The following SERGEF variants were observed in gnomAD, a reference collection of about 807,000 sequenced individuals.
SERGEF encodes the protein secretion-regulating guanine nucleotide exchange factor.
A neutral mutation model predicts 50.0 loss-of-function variants in SERGEF; 51 were observed. The observed-to-expected ratio is 1.02, with a 90% CI of 0.81 to 1.29. SERGEF has a LOEUF of 1.29. Ranked by LOEUF, SERGEF falls within the 50% of genes most tolerant of loss-of-function variation. The pLI, the probability that SERGEF is intolerant of heterozygous loss-of-function variation, is 0.00. For synonymous variants in SERGEF, 205 were observed against 212.4 expected (o/e 0.97, Z 0.30); for missense variants, 521 against 557.0 (o/e 0.94, Z 0.65).
intron 8 of SERGEF, among the ~76,000 whole-genome samples, chr11:17,976,457 ATTTT>A (rs67114053): frequency 1.6e-4 from 16 of 98,988 alleles, no homozygotes; most frequent in Non-Finnish European, 1.2e-4. Context: ...GCTAATTTTC[ATTTT>A]TTTTTTTTTT....
chr11:18,000,336 C>A (rs1429571550), intron 5 of SERGEF, among the ~76,000 whole-genome samples, 161 bp downstream of exon 5: 1 of 152,114 alleles, frequency 6.6e-6, no homozygotes. Context: ...ATAGTTCTAG[C>A]TACTCAGGAG....
intron 10 of SERGEF, among the ~76,000 whole-genome samples, chr11:17,830,645 GGAGGGAGA>G (rs1183764285): frequency 0.02 from 393 of 19,378 alleles, 19 homozygotes; most frequent in East Asian, 0.16. Context: ...GGAGGGAGAG[GGAGGGAGA>G]GAGAGAGAGA....
chr11:17,975,435 C>T (rs895791053), intron 8 of SERGEF, among the ~76,000 whole-genome samples: 4 of 152,068 alleles, frequency 2.6e-5, no homozygotes, highest in African/African-American at 7.2e-5. Flanking sequence ...CTTTAAGAAA[C>T]GCTTCAAGAT....
chr11:17,968,571 G>A (rs1395390660), intron 8 of SERGEF, among the ~76,000 whole-genome samples: 1 of 152,070 alleles, frequency 6.6e-6, no homozygotes, highest in Non-Finnish European at 1.5e-5. Flanking sequence ...TGAACAGGTA[G>A]TGCACACCTG....
At chr11:17,944,330 T>C (rs1256269910) in intron 9 of SERGEF, among the ~76,000 whole-genome samples, 3 of 152,204 alleles carry the variant, frequency 2.0e-5, no homozygotes, top group Admixed American at 6.5e-5. Context: ...ACTGTCTACA[T>C]AACAATTCAA....
In SERGEF at chr11:17,846,331, G is replaced by A. The variant is rs571215051; in HGVS notation, c.1048+31877C>T. Reference sequence around the variant, plus strand: ...CAGTTAATACACGGCAGAACAAGTGGGGCAGAGGATTCTGAAACACTCCAG... The same window carrying A: ...CAGTTAATACACGGCAGAACAAGTGAGGCAGAGGATTCTGAAACACTCCAG... On this transcript the variant is annotated intron_variant, in intron 10 of 10. Transcript: ENST00000265965. Among the ~76,000 whole-genome samples the A allele has an allele frequency of 3.9e-5, 6 of 152,284 alleles. No individual in the cohort carries two copies. The South Asian group carries it at 1.2e-3, about 32-fold the overall frequency.
chr11:18,009,282 C>T (rs969150429), intron 1 of SERGEF, among the ~76,000 whole-genome samples: 5 of 152,198 alleles, frequency 3.3e-5, no homozygotes, highest in Admixed American at 2.0e-4. Flanking sequence ...ACCATGATTT[C>T]GATATGAGAA....
At position 17,837,760 on chromosome 11, in the gene SERGEF, A is replaced by T. The variant is rs149794565; in HGVS notation, c.1048+40448T>A. Among the ~76,000 whole-genome samples the T allele has an allele frequency of 9.0e-4, 135 of 149,700 alleles. 1 individual carries two copies. The highest frequency in any genetic ancestry group is 3.1e-3 in the African/African-American group (124 of 40,488). On this transcript the variant is annotated intron_variant, in intron 10 of 10. Transcript: ENST00000265965. ...ACAGCAACCTCTGCTTCCCGGGTTC[A>T]AGCGGTTCTCCTGCCTCAGCCTCCT...
At chr11:17,962,014 G>A (rs1314259779) in intron 8 of SERGEF, among the ~76,000 whole-genome samples, 2 of 152,186 alleles carry the variant, frequency 1.3e-5, no homozygotes, top group Non-Finnish European at 2.9e-5. Flanking sequence ...GAGGTTAAAT[G>A]ATGAGAGTTA....
chr11:17,924,361 T>C (rs1419730266), intron 9 of SERGEF, among the ~76,000 whole-genome samples: 1 of 152,124 alleles, frequency 6.6e-6, no homozygotes, highest in Non-Finnish European at 1.5e-5. Context: ...AGGAAGGCCA[T>C]GTGTGAAGTC....
intron 10 of SERGEF, among the ~76,000 whole-genome samples, chr11:17,871,789 A>T (rs138148907): frequency 6.6e-6 from 1 of 152,218 alleles, no homozygotes; most frequent in Non-Finnish European, 1.5e-5. Flanking sequence ...ATAAGATTGA[A>T]AATATCTGGC....
chr11:17,953,717 A>T (rs916975), intron 9 of SERGEF, among the ~76,000 whole-genome samples: 56,849 of 152,136 alleles, frequency 0.37, 10,930 homozygotes, highest in East Asian at 0.5. Context: ...TGGGATCACA[A>T]CTTTGAACAA....
At chr11:17,806,469 G>A (rs1187659619) in intron 10 of SERGEF, among the ~76,000 whole-genome samples, 1 of 152,202 alleles carries the variant, frequency 6.6e-6, no homozygotes, top group Admixed American at 6.5e-5. Context: ...TACCCTTGAA[G>A]AAGCTGAGGC....
At chr11:17,952,089 C>T (rs1852785049) in intron 9 of SERGEF, among the ~76,000 whole-genome samples, 1 of 152,190 alleles carries the variant, frequency 6.6e-6, no homozygotes, top group Non-Finnish European at 1.5e-5. Context: ...TTACTTTGTA[C>T]CAAACCTTGC....
chr11:17,976,283 A>ATTAT (rs994202532), intron 8 of SERGEF, among the ~76,000 whole-genome samples: 3 of 151,636 alleles, frequency 2.0e-5, no homozygotes, highest in Admixed American at 6.6e-5. Context: ...CTGGTCTATG[A>ATTAT]TTATTTATTT....
At chr11:17,987,187 C>G (rs1853618224) in intron 8 of SERGEF, among the ~76,000 whole-genome samples, 1 of 152,218 alleles carries the variant, frequency 6.6e-6, no homozygotes, top group African/African-American at 2.4e-5. Flanking sequence ...TCATGAACAT[C>G]TAAGTCCCAG....
At chr11:17,852,134 C>G (rs966184521) in intron 10 of SERGEF, among the ~76,000 whole-genome samples, 1 of 152,118 alleles carries the variant, frequency 6.6e-6, no homozygotes, top group Non-Finnish European at 1.5e-5. Context: ...CCCATGATCT[C>G]ATCTGTGCTG....
chr11:18,006,828 T>C (rs1028599424), intron 2 of SERGEF, 82 bp from the exon 3 acceptor site: 1 of 1,503,240 alleles, frequency 6.7e-7, no homozygotes, highest in Admixed American at 1.8e-5. Flanking sequence ...TCACTAATTA[T>C]TTGGACTCTC....
intron 1 of SERGEF, chr11:18,012,411 C>G: frequency 1.2e-6 from 1 of 855,850 alleles, no homozygotes. Context: ...CAGCCCAACT[C>G]CCCCAACACA....
Sources: gnomAD v4.1 joint callset for allele counts (sites outside exome capture counted in the v4.1 genomes callset) on GRCh38, gnomAD v4.1.1 for gene constraint, MANE v1.5 for transcripts, NCBI Gene and HGNC (gene_info 2026-07-23, HGNC 2026-07-21) for gene names.